CATSPERT: variants seen among roughly 807,000 people sequenced by gnomAD.
The protein encoded by CATSPERT is catsper channel auxiliary subunit tau.
chr2:201,549,552 T>C, the CATSPERT span: 1 of 152,144 alleles, frequency 6.6e-6, no homozygotes, highest in African/African-American at 2.4e-5. Context: ...CATTATGACT[T>C]TTTCAACAAG....
At chr2:201,525,052 A>C in the CATSPERT span, among the ~76,000 whole-genome samples, 1 of 152,152 alleles carries the variant, frequency 6.6e-6, no homozygotes, top group African/African-American at 2.4e-5. Flanking sequence ...GTATTAGCTC[A>C]TTGAGGCAGA....
chr2:201,519,092 G>A, the CATSPERT span, among the ~76,000 whole-genome samples: 1 of 152,162 alleles, frequency 6.6e-6, no homozygotes, highest in South Asian at 2.1e-4. Context: ...CACCTGGAAG[G>A]TTTAGTTCCC....
At chr2:201,506,955 A>G in the CATSPERT span, among the ~76,000 whole-genome samples, 2 of 152,226 alleles carry the variant, frequency 1.3e-5, no homozygotes, top group African/African-American at 2.4e-5. Context: ...AAATTGAGAC[A>G]CTAATAGAAT....
the CATSPERT span, among the ~76,000 whole-genome samples, chr2:201,495,342 T>C: frequency 6.6e-6 from 1 of 152,150 alleles, no homozygotes; most frequent in Non-Finnish European, 1.5e-5. Flanking sequence ...TGCTTTTTGA[T>C]GCATACTGTA....
chr2:201,509,561 A>G, the CATSPERT span, among the ~76,000 whole-genome samples: 2 of 150,882 alleles, frequency 1.3e-5, no homozygotes, highest in South Asian at 4.1e-4. Flanking sequence ...TAAAGACTTT[A>G]CCAGTTTTCT....
chr2:201,582,213 G>C, the CATSPERT span: 2 of 1,583,928 alleles, frequency 1.3e-6, no homozygotes, highest in Non-Finnish European at 1.7e-6. Context: ...ATAACGTCTG[G>C]GAACCTCAAT....
the CATSPERT span, chr2:201,603,426 G>C: frequency 1.6e-6 from 1 of 613,296 alleles, no homozygotes; most frequent in Non-Finnish European, 2.7e-6. Flanking sequence ...AAAATATCTA[G>C]TTAATAGAAA....
At chr2:201,590,833 G>C in the CATSPERT span, among the ~76,000 whole-genome samples, 1 of 151,388 alleles carries the variant, frequency 6.6e-6, no homozygotes, top group South Asian at 2.1e-4. Context: ...TGATGGGGTT[G>C]TTTTTTTCTT....
the CATSPERT span, among the ~76,000 whole-genome samples, chr2:201,539,511 G>GTT: frequency 0.56 from 49,807 of 89,352 alleles, 15,616 homozygotes; most frequent in East Asian, 0.9. Flanking sequence ...TTTTAACGAG[G>GTT]TTTTTTTTTT....
chr2:201,556,437 A>T, the CATSPERT span, among the ~76,000 whole-genome samples: 1 of 150,226 alleles, frequency 6.7e-6, no homozygotes, highest in Admixed American at 6.7e-5. Context: ...TGAACCCGGG[A>T]GGCGGAGCTT....
At chr2:201,547,651 T>C in the CATSPERT span, 2 of 1,036,954 alleles carry the variant, frequency 1.9e-6, no homozygotes, top group Non-Finnish European at 1.4e-6. Context: ...AAGCAAGTGA[T>C]AGAAGAATAC....
At chr2:201,604,012 A>G in the CATSPERT span, among the ~76,000 whole-genome samples, 1 of 152,172 alleles carries the variant, frequency 6.6e-6, no homozygotes, top group Admixed American at 6.5e-5. Context: ...CTGTAAATGA[A>G]TGTCATAATA....
chr2:201,605,065 C>T, the CATSPERT span, among the ~76,000 whole-genome samples: 10 of 150,176 alleles, frequency 6.7e-5, no homozygotes, highest in African/African-American at 2.4e-4. Flanking sequence ...TACATACACA[C>T]ACACACACAC....
At chr2:201,603,781 T>C in the CATSPERT span, among the ~76,000 whole-genome samples, 1 of 152,180 alleles carries the variant, frequency 6.6e-6, no homozygotes, top group East Asian at 1.9e-4. Context: ...AATTGCATCA[T>C]GTGCTTAACC....
At chr2:201,531,370 G>GAGTAATTACTCAAAGACA in the CATSPERT span, among the ~76,000 whole-genome samples, 5 of 152,014 alleles carry the variant, frequency 3.3e-5, no homozygotes, top group Admixed American at 3.3e-4. Context: ...AATTATGTAT[G>GAGTAATTACTCAAAGACA]TCTTTGAGTT....
At chr2:201,587,031 G>A in the CATSPERT span, among the ~76,000 whole-genome samples, 4 of 151,072 alleles carry the variant, frequency 2.6e-5, no homozygotes, top group Non-Finnish European at 5.9e-5. Context: ...TTAACTTTTA[G>A]TGGTTGCTGT....
At chr2:201,600,439 G>A in the CATSPERT span, among the ~76,000 whole-genome samples, 485 of 152,238 alleles carry the variant, frequency 3.2e-3, 3 homozygotes, top group African/African-American at 0.01. Context: ...CCTGTAGGGG[G>A]CTGGAGGGCT....
the CATSPERT span, among the ~76,000 whole-genome samples, chr2:201,614,449 C>T: frequency 6.6e-6 from 1 of 152,162 alleles, no homozygotes; most frequent in African/African-American, 2.4e-5. Context: ...ATTTCATATC[C>T]AGCCAAACTA....
At chr2:201,488,467 A>C in the CATSPERT span, among the ~76,000 whole-genome samples, 1 of 152,280 alleles carries the variant, frequency 6.6e-6, no homozygotes, top group Non-Finnish European at 1.5e-5. Context: ...CATTAAAAAT[A>C]AAAAATTGCA....
Sources: gnomAD v4.1 joint callset for allele counts (sites outside exome capture counted in the v4.1 genomes callset) on GRCh38, gnomAD v4.1.1 for gene constraint, MANE v1.5 for transcripts, NCBI Gene and HGNC (gene_info 2026-07-23, HGNC 2026-07-21) for gene names.